Variants in MYSM1 observed in about 807,000 individuals in gnomAD.
MYSM1 encodes the protein deubiquitinase MYSM1.
Under a neutral mutation model 116.0 loss-of-function variants are expected in MYSM1, and 51 were observed. The ratio of observed to expected loss-of-function variants is 0.44; its 90% CI spans 0.35 to 0.56. MYSM1 has a LOEUF of 0.56. Among genes scored for constraint, MYSM1 ranks in the 20% least tolerant of loss-of-function variants. MYSM1 has a pLI of 0.00. For missense variants in MYSM1, 900 were observed against 974.9 expected, an observed-to-expected ratio of 0.92 and a Z score of 1.02; for synonymous variants, 313 against 315.2, an observed-to-expected ratio of 0.99 and a Z score of 0.07.
At chr1:58,676,247 CT>C (rs1315928397) in intron 9 of MYSM1, among the ~76,000 whole-genome samples, 1 of 151,766 alleles carries the variant, frequency 6.6e-6, no homozygotes, top group African/African-American at 2.4e-5. Context: ...TGAAACCCGT[CT>C]CTACTAATCA....
At chr1:58,692,993 T>C (rs908789900) in intron 2 of MYSM1, 62 bp from the exon 3 acceptor site, 25 of 1,330,962 alleles carry the variant, frequency 1.9e-5, no homozygotes, top group Non-Finnish European at 2.5e-5. Flanking sequence ...ATCTTCTGTT[T>C]TGGTAAAGAA....
chr1:58,681,931 C>G lies in MYSM1; in HGVS notation c.1113G>C (p.Glu371Asp). The G allele has an allele frequency of 6.2e-7, 1 of 1,614,086 alleles. No homozygotes were observed. The highest frequency in any genetic ancestry group is 8.5e-7 in the Non-Finnish European group (1 of 1,180,022). The change falls in exon 8 of 20, where the codon GAG becomes GAC. Residue 371 changes from glutamate (E) to aspartate (D), a missense_variant. Glu to Asp is a conservative substitution (Grantham distance 45, BLOSUM62 2). Around this residue, in one of 3 missense-constraint regions of MYSM1, gnomAD observed 622 missense variants for 623.7 expected, o/e 1.00. Transcript: ENST00000472487. ...QMVEESHEEE[E>D]LKPPEQEIEI... ...CTATTTCCTGTTCTGGTGGCTTAAG[C>G]TCTTCTTCCTCATGGCTTTCCTCTA...
In MYSM1 at chr1:58,682,503, C is replaced by G; in HGVS notation, c.541G>C (p.Gly181Arg). The G allele has an allele frequency of 6.2e-7, 1 of 1,613,052 alleles. No individual in the cohort carries two copies. The highest frequency in any genetic ancestry group is 8.5e-7 in the Non-Finnish European group (1 of 1,179,610). Residue 181 changes from glycine to arginine, a missense_variant, in exon 8 of 20, where the codon GGC (glycine) becomes CGC (arginine). Gly to Arg is a moderately radical substitution (Grantham distance 125). This residue lies in a region of MYSM1 where 622 missense variants were observed against 623.7 expected (regional missense o/e 1.00). Transcript: ENST00000472487. ...LDKETPNQKT[G>R]HNLQVKNEDK... ...TCATTTTTAACTTGAAGATTATGGC[C>G]GGTCTTCTGATTTGGTGTTTCTTTA...
Position 58,673,664 on chromosome 1 carries a change from A to C in MYSM1, c.1495-14T>G, listed in dbSNP as rs758758892. 6.2e-7 allele frequency: 1 copy of C among 1,609,426 alleles called. No individual in the cohort carries two copies. ...TCTCCTTGTACGCTGCGATGAGATT[A>C]AAGTAAAGCAAAAGGTAGCAAGATT... On this transcript the variant is annotated splice_polypyrimidine_tract_variant and intron_variant, in intron 10 of 19. Coordinates refer to ENST00000472487, the MANE Select transcript of MYSM1 (RefSeq NM_001085487.3).
At chr1:58,686,660 A>C (rs1249624442) in intron 6 of MYSM1, among the ~76,000 whole-genome samples, 7 of 152,244 alleles carry the variant, frequency 4.6e-5, no homozygotes, top group African/African-American at 1.7e-4. Context: ...TGCTCTTAAC[A>C]CCTAGCTGAG....
chr1:58,660,069 G>T lies in MYSM1; in HGVS notation c.2415C>A (p.Phe805Leu). 6.2e-7 allele frequency: 1 copy of T among 1,610,270 alleles called. No homozygotes were observed. The highest frequency in any genetic ancestry group is 1.1e-5 in the South Asian group (1 of 90,670). The change falls in exon 20 of 20, where the codon TTC becomes TTA. Residue 805 changes from phenylalanine to leucine, a missense_variant. Transcript: ENST00000472487. ...CTTGGTTGCTTTTATAATTGGAAAG[G>T]AACAAATTTTCTATTTCAGTCAAGA... ...EEFLTEIENL[F>L]LSNYKSNQEN...
At chr1:58,672,171 A>ACTCC (rs1644572188) in intron 11 of MYSM1, among the ~76,000 whole-genome samples, 1 of 152,098 alleles carries the variant, frequency 6.6e-6, no homozygotes, top group Non-Finnish European at 1.5e-5. Context: ...CTGAAAATTT[A>ACTCC]CTCCTTCTCT....
At chr1:58,677,893 TA>T (rs1247375290) in intron 8 of MYSM1, among the ~76,000 whole-genome samples, 1 of 152,132 alleles carries the variant, frequency 6.6e-6, no homozygotes, top group Non-Finnish European at 1.5e-5. Context: ...GGAAGGGACA[TA>T]ATCAGGATTC....
chr1:58,667,516 T>C (rs527803194), intron 15 of MYSM1, among the ~76,000 whole-genome samples: 1 of 152,186 alleles, frequency 6.6e-6, no homozygotes, highest in Non-Finnish European at 1.5e-5. Context: ...CTGTTACTTA[T>C]GACAATAATT....
intron 5 of MYSM1, among the ~76,000 whole-genome samples, chr1:58,689,974 A>G (rs1245838038): frequency 1.3e-5 from 2 of 152,096 alleles, no homozygotes; most frequent in Admixed American, 1.3e-4. Context: ...TTCCCCATAA[A>G]CCCCTGGACA....
chr1:58,684,946 A>C (rs1380886117), intron 7 of MYSM1, among the ~76,000 whole-genome samples: 2 of 152,204 alleles, frequency 1.3e-5, no homozygotes, highest in African/African-American at 4.8e-5. Flanking sequence ...AACTTTATAA[A>C]ATTAAATAGA....
chr1:58,666,887 ATAAT>A (rs1644480463), intron 16 of MYSM1, 147 bp downstream of exon 16: 2 of 221,060 alleles, frequency 9.0e-6, no homozygotes, highest in African/African-American at 6.0e-5. Flanking sequence ...AAAAAAAATA[ATAAT>A]AAAAATAAAT....
Position 58,671,969 on chromosome 1 carries a change from A to G in MYSM1, c.1573-11T>C. The G allele has an allele frequency of 5.0e-6, 8 of 1,608,408 alleles. No homozygotes were observed. Among genetic ancestry groups the G allele is most frequent in the Non-Finnish European group, 6.8e-6 (8 of 1,176,116 alleles). On this transcript the variant is annotated splice_polypyrimidine_tract_variant and intron_variant, in intron 11 of 19. Transcript: ENST00000472487. ...CTCAGCAGAGAGATGCTAAAACAAA[A>G]TGCCAATTGATTAAGGAGTCCATCA...
At chr1:58,668,349 C>A in intron 14 of MYSM1, 1 of 914,656 alleles carries the variant, frequency 1.1e-6, no homozygotes, top group Non-Finnish European at 1.4e-6. Flanking sequence ...TGCTTTGTTT[C>A]AGTGATCTAA....
chr1:58,694,282 T>C (rs10489540), intron 2 of MYSM1, among the ~76,000 whole-genome samples: 51,503 of 152,016 alleles, frequency 0.34, 9,376 homozygotes, highest in Non-Finnish European at 0.41. Context: ...GTAGTCGTAT[T>C]CTCCAAGCCT....
Position 58,681,872 on chromosome 1 carries a change from T to C in MYSM1, c.1172A>G (p.Lys391Arg). 6.2e-7 allele frequency: 1 copy of C among 1,613,692 alleles called. No homozygotes were observed. The change falls in exon 8 of 20, where the codon AAA becomes AGA. Residue 391 changes from lysine to arginine, a missense_variant. This residue lies in a region of MYSM1 where 622 missense variants were observed against 623.7 expected (regional missense o/e 1.00). Transcript: ENST00000472487. ...CTCAAAAAACTCAGGAATTGCTTGTTTTTCTTCTTCTTGAATGATATTTCT... is the reference window on the plus strand; with the variant it reads ...CTCAAAAAACTCAGGAATTGCTTGTCTTTCTTCTTCTTGAATGATATTTCT... ...IDRNIIQEEE[K>R]QAIPEFFEGR...
At chr1:58,671,841 T>C in intron 12 of MYSM1, 29 bp downstream of exon 12, 2 of 1,543,396 alleles carry the variant, frequency 1.3e-6, no homozygotes, top group South Asian at 1.2e-5. Flanking sequence ...TGATAAATGT[T>C]TAAAAACCAC....
intron 15 of MYSM1, 48 bp downstream of exon 15, chr1:58,667,799 G>T: frequency 9.5e-7 from 1 of 1,050,702 alleles, no homozygotes; most frequent in Non-Finnish European, 1.5e-6. Context: ...ATTTGGTATG[G>T]TAGTAGGACT....
chr1:58,683,205 C>T (rs1282452952), intron 7 of MYSM1, among the ~76,000 whole-genome samples: 2 of 152,144 alleles, frequency 1.3e-5, no homozygotes, highest in Non-Finnish European at 2.9e-5. Flanking sequence ...AGCAGCCTGG[C>T]TCAGATCAAC....
Sources: allele counts gnomAD v4.1 joint callset (sites outside exome capture counted in the v4.1 genomes callset), GRCh38; gene constraint gnomAD v4.1.1; regional missense constraint gnomAD v4.1.1; transcripts MANE v1.5; gene names NCBI Gene and HGNC (gene_info 2026-07-23, HGNC 2026-07-21).